PARD3B: variants seen among roughly 807,000 people sequenced by gnomAD.
The protein encoded by PARD3B is par-3 family cell polarity regulator beta.
Under a neutral mutation model 130.2 loss-of-function variants are expected in PARD3B, and 103 were observed. The ratio of observed to expected loss-of-function variants is 0.79; its 90% CI spans 0.67 to 0.93. The LOEUF is 0.93. Among genes scored for constraint, PARD3B ranks in the 40% least tolerant of loss-of-function variants. The probability of loss-of-function intolerance (pLI) is 0.00; values close to 1 mark genes in which losing one functional copy is unlikely to be tolerated. For synonymous variants in PARD3B, 583 were observed against 553.2 expected (o/e 1.05, Z -0.76); for missense variants, 1,609 against 1,499.2 (o/e 1.07, Z -1.21).
chr2:204,582,975 A>G (rs2032641198), intron 1 of PARD3B, among the ~76,000 whole-genome samples: 1 of 152,014 alleles, frequency 6.6e-6, no homozygotes, highest in South Asian at 2.1e-4. Context: ...TTTTGAAACA[A>G]CAGGTGCTGG....
chr2:205,334,041 C>T lies in PARD3B; in HGVS notation c.2630+32340C>T, dbSNP rs189162263. Among the ~76,000 whole-genome samples, 264 of 152,154 alleles carry T rather than the reference C, an allele frequency of 1.7e-3. 3 individuals carry two copies. The highest frequency in any genetic ancestry group is 0.01 in the Middle Eastern group (3 of 294). ...AAATGTAGACCTCTTTTTCCTACCC[C>T]GTTAGCAACAGTGATTGGAGAATGA... On this transcript the variant is annotated intron_variant, in intron 18 of 22. Coordinates refer to ENST00000406610, the MANE Select transcript of PARD3B (RefSeq NM_001302769.2).
At position 205,568,644 on chromosome 2, in the gene PARD3B, A is replaced by C. The variant is rs2053449561; in HGVS notation, c.3260+15241A>C. Among the ~76,000 whole-genome samples the C allele has an allele frequency of 6.6e-6, 1 of 152,206 alleles. No individual in the cohort carries two copies. The highest frequency in any genetic ancestry group is 1.5e-5 in the Non-Finnish European group (1 of 68,034). On this transcript the variant is annotated intron_variant, in intron 22 of 22. Transcript: ENST00000406610. This position sits in a 1 kb window ranked among gnomAD's most constrained non-coding sequence, Gnocchi z 5.3. ...TACCTAGGATCGTGGCTATACACAC[A>C]GGCGAGGTAAAGTTCTACATGGATT...
intron 22 of PARD3B, among the ~76,000 whole-genome samples, chr2:205,557,716 G>GTGCA (rs2052954836): frequency 6.6e-6 from 1 of 152,190 alleles, no homozygotes; most frequent in African/African-American, 2.4e-5. Context: ...AGCCTGTGTA[G>GTGCA]TGCATTGAAG....
intron 15 of PARD3B, among the ~76,000 whole-genome samples, chr2:205,200,428 C>T (rs908519652): frequency 3.2e-4 from 49 of 152,034 alleles, no homozygotes; most frequent in African/African-American, 1.1e-3. Flanking sequence ...AGGATTTTTT[C>T]CTTAAAGTCA....
At chr2:205,523,051 A>G (rs1352786036) in intron 21 of PARD3B, among the ~76,000 whole-genome samples, 2 of 151,534 alleles carry the variant, frequency 1.3e-5, no homozygotes, top group Admixed American at 6.6e-5. Context: ...TAAAAGTTGA[A>G]TTGTGCCATT....
chr2:205,283,740 A>G lies in PARD3B; in HGVS notation c.2186-16790A>G, dbSNP rs552808854. Reference sequence around the variant, plus strand: ...GCAAAATATACAAAAACAAAATTTAACCTCTTAATCATTTTTAAGTGTACA... The same window carrying G: ...GCAAAATATACAAAAACAAAATTTAGCCTCTTAATCATTTTTAAGTGTACA... On this transcript the variant is annotated intron_variant, in intron 16 of 22. Transcript: ENST00000406610. 6.6e-5 allele frequency among the ~76,000 whole-genome samples: 10 copies of G among 152,340 alleles called. No homozygotes were observed. The South Asian group carries it at 2.1e-3, about 32-fold the overall frequency.
At chr2:205,379,054 GA>G (rs1194045128) in intron 18 of PARD3B, among the ~76,000 whole-genome samples, 2 of 151,742 alleles carry the variant, frequency 1.3e-5, no homozygotes, top group African/African-American at 4.8e-5. Context: ...AGGAAGCCAC[GA>G]AAAAAACTCT....
Position 205,616,908 on chromosome 2 carries a change from AGT to A in PARD3B, c.*1096_*1097del, listed in dbSNP as rs1260953674. ...GTGAATGAGAGAGAGAGAGAGAGAG[AGT>A]ATGTGTGTGTGTGTGTATGTGTGTG... On this transcript the variant is annotated 3_prime_UTR_variant, in exon 23 of 23. Coordinates refer to ENST00000406610, the MANE Select transcript of PARD3B (RefSeq NM_001302769.2). 7.0e-6 allele frequency: 1 copy of A among 142,844 alleles called. No homozygotes were observed. Among genetic ancestry groups the A allele is most frequent in the Non-Finnish European group, 1.5e-5 (1 of 64,662 alleles). The allele number at this position is 142,844 out of a possible 1,614,324, so 8.8% of individuals were successfully genotyped here.
chr2:205,257,593 A>T (rs1247481251), intron 16 of PARD3B, among the ~76,000 whole-genome samples: 1 of 152,198 alleles, frequency 6.6e-6, no homozygotes, highest in East Asian at 1.9e-4. Flanking sequence ...CTTTATTTTG[A>T]AAAATTATAT....
intron 1 of PARD3B, among the ~76,000 whole-genome samples, chr2:204,589,247 A>AG (rs991753998): frequency 3.1e-4 from 47 of 152,184 alleles, no homozygotes; most frequent in African/African-American, 1.1e-3. Flanking sequence ...GGTCATGGGA[A>AG]GGGAGGGGAC....
chr2:204,874,722 C>T (rs977329365), intron 2 of PARD3B, among the ~76,000 whole-genome samples: 4 of 152,146 alleles, frequency 2.6e-5, no homozygotes, highest in Non-Finnish European at 5.9e-5. Flanking sequence ...ACTAAGTTGC[C>T]ATGTGCCTCT....
At chr2:204,876,496 G>C (rs951608936) in intron 2 of PARD3B, among the ~76,000 whole-genome samples, 1 of 152,166 alleles carries the variant, frequency 6.6e-6, no homozygotes, top group African/African-American at 2.4e-5. Context: ...AGAAGTGACA[G>C]ACACCCCATG....
chr2:204,997,909 TTTA>T (rs1346599080), intron 3 of PARD3B, among the ~76,000 whole-genome samples: 1 of 149,228 alleles, frequency 6.7e-6, no homozygotes, highest in African/African-American at 2.4e-5. Context: ...AATGTAGATA[TTTA>T]TTATTTATAT....
At chr2:205,356,623 G>A (rs1039120771) in intron 18 of PARD3B, among the ~76,000 whole-genome samples, 1 of 152,158 alleles carries the variant, frequency 6.6e-6, no homozygotes, top group Non-Finnish European at 1.5e-5. Context: ...AGCCGTGATG[G>A]CTAACGCCTA....
intron 1 of PARD3B, among the ~76,000 whole-genome samples, chr2:204,595,090 T>A (rs1224927427): frequency 6.6e-6 from 1 of 152,174 alleles, no homozygotes; most frequent in African/African-American, 2.4e-5. Context: ...CTGTATTAGT[T>A]CAGAATATCC....
chr2:205,123,565 G>C (rs1450968309), intron 8 of PARD3B, among the ~76,000 whole-genome samples: 1 of 150,536 alleles, frequency 6.6e-6, no homozygotes, highest in South Asian at 2.1e-4. Flanking sequence ...AGGACAATGA[G>C]TAAGATTTAG....
chr2:205,232,132 C>T (rs956665978), intron 15 of PARD3B, among the ~76,000 whole-genome samples: 1 of 152,158 alleles, frequency 6.6e-6, no homozygotes, highest in Non-Finnish European at 1.5e-5. Context: ...TTCCAAGTAA[C>T]TATATTCCAA....
chr2:205,606,362 C>A (rs2054998758), intron 22 of PARD3B, among the ~76,000 whole-genome samples: 1 of 152,214 alleles, frequency 6.6e-6, no homozygotes, highest in South Asian at 2.1e-4. Context: ...GTGGGAGCTT[C>A]CCTTGCCCCA....
chr2:205,163,856 C>G (rs139243848), intron 11 of PARD3B, among the ~76,000 whole-genome samples: 3 of 152,140 alleles, frequency 2.0e-5, no homozygotes, highest in African/African-American at 7.2e-5. Flanking sequence ...TAAATGATTT[C>G]TTCAACTGGC....
Sources: allele counts gnomAD v4.1 joint callset (sites outside exome capture counted in the v4.1 genomes callset), GRCh38; gene constraint gnomAD v4.1.1; non-coding constraint Gnocchi (gnomAD v3.1); transcripts MANE v1.5; gene names NCBI Gene and HGNC (gene_info 2026-07-23, HGNC 2026-07-21).